The following HELZ variants were observed in gnomAD, a reference collection of about 807,000 sequenced individuals.
HELZ encodes the protein helicase with zinc finger.
Under a neutral mutation model 218.2 loss-of-function variants are expected in HELZ, and 23 were observed. That is an observed-to-expected ratio of 0.11 (90% CI 0.08 to 0.15). The LOEUF (loss-of-function observed/expected upper bound fraction) is 0.15, where lower values mean the gene tolerates loss of function less well. Among genes scored for constraint, HELZ ranks in the 10% least tolerant of loss-of-function variants. The pLI is 1.00. For synonymous variants in HELZ, 814 were observed against 829.4 expected (o/e 0.98, Z 0.32); for missense variants, 1,813 against 2,353.7 (o/e 0.77, Z 4.75).
chr17:67,082,651 G>T (rs982069954), intron 32 of HELZ, among the ~76,000 whole-genome samples: 7 of 151,924 alleles, frequency 4.6e-5, no homozygotes, highest in African/African-American at 1.7e-4. Context: ...AAATGTCACT[G>T]ATTTTGTGAA....
chr17:67,080,473 C>T, intron 32 of HELZ, among the ~76,000 whole-genome samples: 1 of 152,162 alleles, frequency 6.6e-6, no homozygotes, highest in Admixed American at 6.5e-5. Context: ...ATTAAACAGG[C>T]AGGTGAGCCA....
chr17:67,232,643 T>C lies in HELZ; in HGVS notation c.-19+6790A>G, dbSNP rs563494915. Reference sequence around the variant, plus strand: ...ATACCCTATTAAACTTTTTGACTCTTCTTACTTGCTAATACACAAAATTTA... The same window carrying C: ...ATACCCTATTAAACTTTTTGACTCTCCTTACTTGCTAATACACAAAATTTA... On this transcript the variant is annotated intron_variant, in intron 3 of 32. Transcript: ENST00000358691. Among the ~76,000 whole-genome samples the C allele has an allele frequency of 2.0e-5, 3 of 152,332 alleles. No homozygotes were observed. The South Asian group carries it at 6.2e-4, about 32-fold the overall frequency.
At chr17:67,144,610 G>A (rs1794476670) in intron 21 of HELZ, among the ~76,000 whole-genome samples, 1 of 151,852 alleles carries the variant, frequency 6.6e-6, no homozygotes, top group African/African-American at 2.4e-5. Context: ...AACCCAGGCT[G>A]AGAAACTGAG....
chr17:67,150,914 G>A, intron 18 of HELZ, 132 bp downstream of exon 18: 1 of 698,150 alleles, frequency 1.4e-6, no homozygotes, highest in South Asian at 2.0e-5. Flanking sequence ...GTAAATAAAT[G>A]AGCCAGTAAA....
In HELZ at chr17:67,154,843, G is replaced by T. The variant is rs185414271; in HGVS notation, c.2178-3619C>A. ...GCTATGTATAATCATTTTCTTAAAA[G>T]GCAAGCACTGGCTCACATAAAAACA... On this transcript the variant is annotated intron_variant, in intron 17 of 32. Coordinates refer to ENST00000358691, the MANE Select transcript of HELZ (RefSeq NM_014877.4). Among the ~76,000 whole-genome samples, 5 of 152,182 alleles carry T rather than the reference G, an allele frequency of 3.3e-5. No individual in the cohort carries two copies. The East Asian group carries it at 9.6e-4, about 29-fold the overall frequency.
intron 31 of HELZ, among the ~76,000 whole-genome samples, chr17:67,089,668 T>TATATATATATATATAGAG (rs71293575): frequency 7.1e-5 from 5 of 70,640 alleles, no homozygotes; most frequent in Admixed American, 3.2e-4. Context: ...TATATATATA[T>TATATATATATATATAGAG]AGAGAGAGAG....
intron 13 of HELZ, among the ~76,000 whole-genome samples, chr17:67,175,226 C>T (rs2039421576): frequency 6.6e-6 from 1 of 151,734 alleles, no homozygotes; most frequent in African/African-American, 2.4e-5. Flanking sequence ...GTGGATTTTA[C>T]AAAAACAAAA....
chr17:67,093,174 G>T (rs760891146), intron 31 of HELZ, among the ~76,000 whole-genome samples: 9 of 152,072 alleles, frequency 5.9e-5, no homozygotes, highest in African/African-American at 1.9e-4. Context: ...TCTCAGAAAA[G>T]GCACTGCAGA....
intron 26 of HELZ, among the ~76,000 whole-genome samples, chr17:67,121,195 A>T (rs959509479): frequency 6.6e-6 from 1 of 152,252 alleles, no homozygotes; most frequent in African/African-American, 2.4e-5. Context: ...AAACTTGTTT[A>T]AGTGTGTCTA....
At position 67,220,455 on chromosome 17, in the gene HELZ, C is replaced by A. The variant is rs2040714424; in HGVS notation, c.-18-1633G>T. On this transcript the variant is annotated intron_variant, in intron 3 of 32. Transcript: ENST00000358691. ...TACACATGTGGTACAATATAACATT[C>A]CCTACTTTTCTCAGTTTGGAATTTT... Among the ~76,000 whole-genome samples the A allele has an allele frequency of 2.0e-5, 3 of 152,124 alleles. 1 individual carries two copies. In the South Asian group the frequency reaches 6.2e-4, roughly 32 times the overall value.
intron 31 of HELZ, among the ~76,000 whole-genome samples, chr17:67,088,267 C>A (rs1339851490): frequency 6.6e-6 from 1 of 152,126 alleles, no homozygotes; most frequent in Non-Finnish European, 1.5e-5. Flanking sequence ...GATAAATCTG[C>A]TGTTCAGTCT....
Position 67,109,470 on chromosome 17 carries a change from A to G in HELZ, c.4135T>C (p.Leu1379=). Residue 1379 remains leucine (L), a synonymous_variant, in exon 29 of 33, where the codon TTG becomes CTG. Transcript: ENST00000358691. ...PPFPIPQQHT[L]LNQQQNNLPE... ...AAATTATTCTGCTGCTGATTTAACAAGGTGTGCTGCTGTGGAATTGGAAAG... is the reference window on the plus strand; with the variant it reads ...AAATTATTCTGCTGCTGATTTAACAGGGTGTGCTGCTGTGGAATTGGAAAG... 1 of 1,614,088 alleles carries G rather than the reference A, an allele frequency of 6.2e-7. No homozygotes were observed. Among genetic ancestry groups the G allele is most frequent in the Non-Finnish European group, 8.5e-7 (1 of 1,180,010 alleles).
chr17:67,190,616 G>A (rs1900126470), intron 9 of HELZ, among the ~76,000 whole-genome samples: 1 of 152,146 alleles, frequency 6.6e-6, no homozygotes, highest in Non-Finnish European at 1.5e-5. Flanking sequence ...ATTCACGTCG[G>A]CCCTCCAAAA....
In HELZ at chr17:67,099,868, AT is replaced by A. The variant is rs562574619; in HGVS notation, c.5241+7300del. ...AGTCTCATTAACGATGGTGCCAGAA[AT>A]TTTAATTAAAATAGAACATCTCATT... is the stretch of plus-strand genomic sequence containing the variant. On this transcript the variant is annotated intron_variant, in intron 31 of 32. Coordinates refer to ENST00000358691, the MANE Select transcript of HELZ (RefSeq NM_014877.4). 1.3e-3 allele frequency among the ~76,000 whole-genome samples: 190 copies of A among 150,792 alleles called. 1 individual carries two copies. The highest frequency in any genetic ancestry group is 1.6e-3 in the Non-Finnish European group (108 of 67,702).
chr17:67,190,708 G>T (rs923110240), intron 9 of HELZ, among the ~76,000 whole-genome samples: 7 of 151,882 alleles, frequency 4.6e-5, no homozygotes, highest in African/African-American at 1.7e-4. Flanking sequence ...TTTTGTTTTT[G>T]ATTTTTTGTT....
intron 7 of HELZ, chr17:67,200,913 C>A: frequency 1.9e-6 from 1 of 528,320 alleles, no homozygotes; most frequent in South Asian, 2.7e-5. Flanking sequence ...AGAAGATAAG[C>A]CCTGGCACAC....
rs1348957210 is a variant in HELZ, at chr17:67,128,694, T to C, written c.3344A>G (p.Gln1115Arg). ...PEFIPRALRLQHSGSTNKQQQ... is the reference protein window; with the variant it reads ...PEFIPRALRLRHSGSTNKQQQ... ...CTGTTTGTTGGTACTTCCTGAATGC[T>C]GCAGTCTTAGAGCCCGGGGGATAAA... Residue 1115 changes from glutamine (Q) to arginine (R), a missense_variant, in exon 24 of 33, where the codon CAG becomes CGG. Around this residue, in one of 4 missense-constraint regions of HELZ, gnomAD observed 938 missense variants for 1,027.5 expected, o/e 0.91. Transcript: ENST00000358691. The C allele has an allele frequency of 6.2e-7, 1 of 1,614,218 alleles. No homozygotes were observed. The highest frequency in any genetic ancestry group is 8.5e-7 in the Non-Finnish European group (1 of 1,180,014).
chr17:67,101,628 T>A (rs1484052232), intron 31 of HELZ, among the ~76,000 whole-genome samples: 1 of 152,154 alleles, frequency 6.6e-6, no homozygotes, highest in East Asian at 1.9e-4. Context: ...TCCTTAATCA[T>A]GCCAAAATTA....
At chr17:67,165,677 T>C (rs2039121783) in intron 15 of HELZ, among the ~76,000 whole-genome samples, 1 of 152,316 alleles carries the variant, frequency 6.6e-6, no homozygotes, top group Non-Finnish European at 1.5e-5. Context: ...TCCATGCTTA[T>C]AACAAAATGG....
Sources: allele counts gnomAD v4.1 joint callset (sites outside exome capture counted in the v4.1 genomes callset), GRCh38; gene constraint gnomAD v4.1.1; regional missense constraint gnomAD v4.1.1; transcripts MANE v1.5; gene names NCBI Gene and HGNC (gene_info 2026-07-23, HGNC 2026-07-21).